Variants in BLMH observed in about 807,000 individuals in gnomAD.
BLMH encodes BLM hydrolase.
In BLMH, 32 loss-of-function variants were observed where a neutral mutation model predicts 61.6. The ratio of observed to expected loss-of-function variants is 0.52; its 90% CI spans 0.39 to 0.70. The LOEUF (loss-of-function observed/expected upper bound fraction) is 0.70. Ranked by LOEUF, BLMH falls within the 30% of genes least tolerant of loss-of-function variation. The pLI, the probability that BLMH is intolerant of heterozygous loss-of-function variation, is 0.00. For missense variants in BLMH, 460 were observed against 555.5 expected, an observed-to-expected ratio of 0.83 and a Z score of 1.73; for synonymous variants, 183 against 193.8, an observed-to-expected ratio of 0.94 and a Z score of 0.46.
chr17:30,289,701 C>T (rs969983082), intron 2 of BLMH, among the ~76,000 whole-genome samples: 3 of 152,160 alleles, frequency 2.0e-5, no homozygotes, highest in African/African-American at 7.2e-5. Flanking sequence ...ACACTCTTTA[C>T]GTATCAAATA....
intron 11 of BLMH, among the ~76,000 whole-genome samples, chr17:30,265,880 T>C (rs1206468795): frequency 6.6e-6 from 1 of 152,162 alleles, no homozygotes; most frequent in Non-Finnish European, 1.5e-5. Flanking sequence ...CTAAAGACAG[T>C]CTTTAAAAAT....
At position 30,248,820 on chromosome 17, in the gene BLMH, C is replaced by A. The variant is rs960955718; in HGVS notation, c.*197G>T. On this transcript the variant is annotated 3_prime_UTR_variant, in exon 12 of 12. Transcript: ENST00000261714. ...TAGATAGTATGACCTGATCTTCCCC[C>A]CTCTTTTTTTTCCTTTAACAGTATT... The A allele has an allele frequency of 5.0e-6, 3 of 598,120 alleles. No homozygotes were observed. Among genetic ancestry groups the A allele is most frequent in the Non-Finnish European group, 8.6e-6 (3 of 347,510 alleles). 37.1% of individuals were successfully genotyped at this position (598,120 alleles called of 1,614,324 possible).
chr17:30,285,682 G>A (rs1032353208), intron 5 of BLMH: 3 of 436,372 alleles, frequency 6.9e-6, no homozygotes, highest in South Asian at 8.4e-5. Context: ...AAAGGCATAA[G>A]TTACTCCTCC....
At chr17:30,259,520 T>C (rs1036032155) in intron 11 of BLMH, among the ~76,000 whole-genome samples, 1 of 151,964 alleles carries the variant, frequency 6.6e-6, no homozygotes, top group African/African-American at 2.4e-5. Context: ...TGAGGGGAGG[T>C]ACTCCCTAGT....
At chr17:30,259,272 T>C (rs1051680520) in intron 11 of BLMH, among the ~76,000 whole-genome samples, 2 of 152,208 alleles carry the variant, frequency 1.3e-5, no homozygotes, top group African/African-American at 2.4e-5. Flanking sequence ...ATGCTGCTGA[T>C]GGAGCATAAT....
In BLMH at chr17:30,258,132, G is replaced by A. The variant is rs184094882; in HGVS notation, c.1216+8753C>T. Among the ~76,000 whole-genome samples, 822 of 151,740 alleles carry A rather than the reference G, an allele frequency of 5.4e-3. 8 individuals carry two copies. The highest frequency in any genetic ancestry group is 8.6e-3 in the Non-Finnish European group (584 of 67,930). On this transcript the variant is annotated intron_variant, in intron 11 of 11. Coordinates refer to ENST00000261714, the MANE Select transcript of BLMH (RefSeq NM_000386.4). Reference sequence around the variant, plus strand: ...ATAGGTGCATACTACCATGTTTGGCGAGCTATTTTGTCTGTTTAAATCAAA... The same window carrying A: ...ATAGGTGCATACTACCATGTTTGGCAAGCTATTTTGTCTGTTTAAATCAAA...
intron 9 of BLMH, among the ~76,000 whole-genome samples, chr17:30,271,783 T>G (rs113253030): frequency 0.017 from 2,522 of 152,304 alleles, 32 homozygotes; most frequent in Non-Finnish European, 0.023. Context: ...CACTGCTGAT[T>G]AAAATTTAAA....
At position 30,291,484 on chromosome 17, in the gene BLMH, G is replaced by A. The variant is rs1908886785; in HGVS notation, c.38C>T (p.Ala13Val). 3 of 1,614,116 alleles carry A rather than the reference G, an allele frequency of 1.9e-6. No homozygotes were observed. The highest frequency in any genetic ancestry group is 1.3e-5 in the African/African-American group (1 of 74,946). ...GTCGGAATTCAGTTTCTGTATCAGAGCAGCTACCTTCTCCGAATTCAGTCC... is the reference window on the plus strand; with the variant it reads ...GTCGGAATTCAGTTTCTGTATCAGAACAGCTACCTTCTCCGAATTCAGTCC... ...SSGLNSEKVA[A>V]LIQKLNSDPQ... The change falls in exon 2 of 12, where the codon GCT becomes GTT. Residue 13 changes from alanine to valine, a missense_variant. This residue lies in a region of BLMH where 86 missense variants were observed against 84.5 expected (regional missense o/e 1.02). Transcript: ENST00000261714.
At chr17:30,288,762 C>T (rs1164575446) in intron 3 of BLMH, among the ~76,000 whole-genome samples, 2 of 152,056 alleles carry the variant, frequency 1.3e-5, no homozygotes, top group African/African-American at 4.8e-5. Context: ...GTCAGGAGTT[C>T]GAGACCAGTC....
At chr17:30,288,408 A>T (rs962841718) in intron 3 of BLMH, among the ~76,000 whole-genome samples, 52 of 152,272 alleles carry the variant, frequency 3.4e-4, no homozygotes, top group African/African-American at 1.2e-3. Flanking sequence ...CCTAGGCTGG[A>T]GTGCAGTGGT....
intron 6 of BLMH, among the ~76,000 whole-genome samples, chr17:30,281,239 C>A (rs1345230096): frequency 6.6e-6 from 1 of 151,828 alleles, no homozygotes; most frequent in Non-Finnish European, 1.5e-5. Context: ...AGGGAATGAA[C>A]TCATATAGAT....
chr17:30,279,816 AC>A (rs1180111696), intron 6 of BLMH, among the ~76,000 whole-genome samples: 2 of 152,210 alleles, frequency 1.3e-5, no homozygotes, highest in Non-Finnish European at 2.9e-5. Flanking sequence ...AAATAAAAAA[AC>A]AAATCTCCCT....
chr17:30,282,969 G>A (rs920399709), intron 6 of BLMH, among the ~76,000 whole-genome samples: 5 of 151,964 alleles, frequency 3.3e-5, no homozygotes, highest in Non-Finnish European at 5.9e-5. Flanking sequence ...GGTGGAGATC[G>A]GCCTGGGAAA....
rs200787468 is a variant in BLMH at position 30,258,613 on chromosome 17, AG to A, written c.1216+8271del. 1.3e-4 allele frequency among the ~76,000 whole-genome samples: 20 copies of A among 152,282 alleles called. No individual in the cohort carries two copies. The East Asian group carries it at 3.9e-3, about 29-fold the overall frequency. On this transcript the variant is annotated intron_variant, in intron 11 of 11. Coordinates refer to ENST00000261714, the MANE Select transcript of BLMH (RefSeq NM_000386.4). ...CCTGAGAAGTGCCCCTCTACTAAGGAGCCCAGAAGAAGCCTGTTCACCTCCC... is the reference window on the plus strand; with the variant it reads ...CCTGAGAAGTGCCCCTCTACTAAGGACCCAGAAGAAGCCTGTTCACCTCCC...
intron 10 of BLMH, among the ~76,000 whole-genome samples, chr17:30,268,305 C>T (rs1441443122): frequency 2.0e-5 from 3 of 152,070 alleles, no homozygotes; most frequent in Non-Finnish European, 2.9e-5. Context: ...GGGTCATCTA[C>T]AATTACAAAA....
intron 5 of BLMH, among the ~76,000 whole-genome samples, chr17:30,286,214 CCCAGTTCTCAAAAACCATG>C (rs1908723816): frequency 6.6e-6 from 1 of 152,220 alleles, no homozygotes; most frequent in Non-Finnish European, 1.5e-5. Context: ...TCTGGCAACT[CCCAGTTCTCAAAAACCATG>C]CCTGGCTAGC....
intron 6 of BLMH, among the ~76,000 whole-genome samples, chr17:30,275,607 A>T (rs1168316455): frequency 6.6e-6 from 1 of 150,454 alleles, no homozygotes; most frequent in Non-Finnish European, 1.5e-5. Context: ...AATCCCTTGA[A>T]CCCAGGAGGC....
At chr17:30,274,236 G>C (rs1468992892) in intron 6 of BLMH, 39 bp from the exon 7 acceptor site, 1 of 1,584,816 alleles carries the variant, frequency 6.3e-7, no homozygotes, top group Non-Finnish European at 8.6e-7. Context: ...AATGGTTAGG[G>C]GGAAATGTTA....
At chr17:30,250,850 C>T (rs749911263) in intron 11 of BLMH, among the ~76,000 whole-genome samples, 26 of 152,030 alleles carry the variant, frequency 1.7e-4, no homozygotes, top group African/African-American at 3.9e-4. Context: ...CATCAACCAA[C>T]GAGTGGATAA....
Sources: gnomAD v4.1 joint callset for allele counts (sites outside exome capture counted in the v4.1 genomes callset) on GRCh38, gnomAD v4.1.1 for gene constraint, gnomAD v4.1.1 regional missense constraint, MANE v1.5 for transcripts, NCBI Gene and HGNC (gene_info 2026-07-23, HGNC 2026-07-21) for gene names.